Variants in ARHGAP32 observed in about 807,000 individuals in gnomAD.
ARHGAP32 encodes rho GTPase-activating protein 32.
In ARHGAP32, 51 loss-of-function variants were observed where a neutral mutation model predicts 186.5. The ratio of observed to expected loss-of-function variants is 0.27; its 90% CI spans 0.22 to 0.35. The LOEUF (loss-of-function observed/expected upper bound fraction) is 0.35. Among genes scored for constraint, ARHGAP32 ranks in the 10% least tolerant of loss-of-function variants. The pLI, the probability that ARHGAP32 is intolerant of heterozygous loss-of-function variation, is 1.00. For synonymous variants in ARHGAP32, 950 were observed against 964.3 expected, an observed-to-expected ratio of 0.99 and a Z score of 0.27; for missense variants, 2,186 against 2,623.5, an observed-to-expected ratio of 0.83 and a Z score of 3.64.
chr11:129,025,064 T>TAG, intron 11 of ARHGAP32, among the ~76,000 whole-genome samples: 1 of 152,354 alleles, frequency 6.6e-6, no homozygotes, highest in Non-Finnish European at 1.5e-5. Context: ...TACCCTCAGG[T>TAG]ATTTTTTAAT....
rs1944286715 is a variant in ARHGAP32, at chr11:129,192,303, G to C, written c.-105C>G. The C allele has an allele frequency of 1.0e-5, 8 of 764,728 alleles. No homozygotes were observed. The highest frequency in any genetic ancestry group is 2.4e-4 in the Middle Eastern group (1 of 4,212). The allele number at this position is 764,728 out of a possible 1,614,324, so 47.4% of individuals were successfully genotyped here. A position where few individuals can be genotyped will look rare whatever the true frequency, so the allele number is the denominator to read the frequency against. On this transcript the variant is annotated 5_prime_UTR_variant, in exon 1 of 23. Coordinates refer to ENST00000682385, the MANE Select transcript of ARHGAP32 (RefSeq NM_001378024.1). ...TCATGTATACTCAGATGTGTGTCTGGTGCCCTAGTGACAGGTACTGGTGCT... is the reference window on the plus strand; with the variant it reads ...TCATGTATACTCAGATGTGTGTCTGCTGCCCTAGTGACAGGTACTGGTGCT...
chr11:128,992,384 T>TG (rs1946081541), intron 12 of ARHGAP32, among the ~76,000 whole-genome samples: 1 of 151,982 alleles, frequency 6.6e-6, no homozygotes. Flanking sequence ...CTAACTCTTA[T>TG]GAAAAAAATC....
At position 129,013,924 on chromosome 11, in the gene ARHGAP32, C is replaced by T. The variant is rs188255669; in HGVS notation, c.1046-15456G>A. On this transcript the variant is annotated intron_variant, in intron 11 of 22. Transcript: ENST00000682385. The stretch of plus-strand genomic sequence containing the variant: ...GTGGGGTTAGATGATTAAGTGCTTA[C>T]AAACCCATTTCTACAGAACACTGGC... Among the ~76,000 whole-genome samples, 109 of 152,248 alleles carry T rather than the reference C, an allele frequency of 7.2e-4. 1 individual carries two copies. Among genetic ancestry groups the T allele is most frequent in the African/African-American group, 2.5e-3 (104 of 41,554 alleles).
chr11:128,974,903 T>C lies in ARHGAP32; in HGVS notation c.2294A>G (p.Tyr765Cys), dbSNP rs1945499925. ...CTCATTGTCATGAGGCAGATTATCATAGGAGTTACAGCGGTTCCCCAGCAT... is the reference window on the plus strand; with the variant it reads ...CTCATTGTCATGAGGCAGATTATCACAGGAGTTACAGCGGTTCCCCAGCAT... ...GEMLGNRCNS[Y>C]DNLPHDNESE... The change falls in exon 21 of 23, where the codon TAT becomes TGT. Residue 765 changes from tyrosine (Y) to cysteine (C), a missense_variant. Coordinates refer to ENST00000682385, the MANE Select transcript of ARHGAP32 (RefSeq NM_001378024.1). 6.2e-7 allele frequency: 1 copy of C among 1,614,170 alleles called. No homozygotes were observed. The highest frequency in any genetic ancestry group is 8.5e-7 in the Non-Finnish European group (1 of 1,180,016).
chr11:129,139,173 C>T (rs1255891567), intron 2 of ARHGAP32, among the ~76,000 whole-genome samples: 2 of 151,898 alleles, frequency 1.3e-5, no homozygotes, highest in African/African-American at 4.8e-5. Context: ...TGGGAATCTC[C>T]ATATTAATTA....
intron 5 of ARHGAP32, among the ~76,000 whole-genome samples, chr11:129,102,176 T>C (rs1238927413): frequency 1.3e-5 from 2 of 152,180 alleles, no homozygotes; most frequent in Admixed American, 1.3e-4. Context: ...CCACCAGACC[T>C]GCCTTACAAG....
chr11:128,969,377 G>A lies in ARHGAP32; in HGVS notation c.5836C>T (p.Gln1946Ter), dbSNP rs371331393. 1.4e-5 allele frequency: 23 copies of A among 1,614,046 alleles called. No individual in the cohort carries two copies. The highest frequency in any genetic ancestry group is 1.9e-5 in the Non-Finnish European group (23 of 1,180,038). ...TTGTGGTTCAGTCTTAAAGATTCTTGCCCGGATGCAGCATATTTTACTCCA... is the reference window on the plus strand; with the variant it reads ...TTGTGGTTCAGTCTTAAAGATTCTTACCCGGATGCAGCATATTTTACTCCA... ...NSGVKYAASG[Q>*]ESLRLNHKEV... The change falls in exon 23 of 23, where the codon CAA (glutamine) becomes TAA (stop). Residue 1946 changes from glutamine (Q) to a stop codon, truncating the protein, a stop_gained. Transcript: ENST00000682385. LOFTEE classifies it high-confidence loss of function. This position sits in a 1 kb window ranked among gnomAD's most constrained non-coding sequence, Gnocchi z 4.8.
intron 5 of ARHGAP32, among the ~76,000 whole-genome samples, chr11:129,114,426 T>G (rs1173722380): frequency 3.9e-5 from 6 of 152,178 alleles, no homozygotes; most frequent in Non-Finnish European, 2.9e-5. Context: ...TTAAACTTAT[T>G]GGTATATTAC....
At chr11:128,980,501 T>C in intron 18 of ARHGAP32, 52 bp downstream of exon 18, 3 of 1,386,028 alleles carry the variant, frequency 2.2e-6, no homozygotes, top group Non-Finnish European at 3.0e-6. Flanking sequence ...AAGAAAATAA[T>C]AGGACATAGC....
chr11:129,009,380 G>A (rs1337194454), intron 11 of ARHGAP32, among the ~76,000 whole-genome samples: 2 of 152,130 alleles, frequency 1.3e-5, no homozygotes, highest in Non-Finnish European at 2.9e-5. Context: ...TGCAGGATGT[G>A]CAAGTCTATT....
At chr11:129,204,819 T>C (rs1291048276) in intron 1 of ARHGAP32, among the ~76,000 whole-genome samples, 1 of 152,198 alleles carries the variant, frequency 6.6e-6, no homozygotes, top group African/African-American at 2.4e-5. Context: ...TGCTGTACTT[T>C]TAAACTTTAA....
intron 5 of ARHGAP32, among the ~76,000 whole-genome samples, chr11:129,113,154 G>C (rs758171484): frequency 1.3e-5 from 2 of 152,024 alleles, no homozygotes; most frequent in Non-Finnish European, 2.9e-5. Context: ...TGTTATTCAA[G>C]GTTTATGGTA....
At chr11:129,118,462 G>A (rs1211432536) in intron 5 of ARHGAP32, among the ~76,000 whole-genome samples, 1 of 151,960 alleles carries the variant, frequency 6.6e-6, no homozygotes, top group Non-Finnish European at 1.5e-5. Flanking sequence ...TCCTTGATAA[G>A]ACCAAGATTT....
At chr11:129,173,034 AAAC>A (rs1943804719) in intron 1 of ARHGAP32, among the ~76,000 whole-genome samples, 1 of 123,856 alleles carries the variant, frequency 8.1e-6, no homozygotes, top group Non-Finnish European at 1.8e-5. Context: ...TTTTTTGAAA[AAAC>A]AAACAAACAA....
chr11:129,210,754 C>T (rs1255810774), intron 1 of ARHGAP32, among the ~76,000 whole-genome samples: 2 of 152,178 alleles, frequency 1.3e-5, no homozygotes, highest in African/African-American at 4.8e-5. Flanking sequence ...CAAGTATGAT[C>T]TTTTCTGCTA....
chr11:128,986,735 A>G (rs1415264058), intron 13 of ARHGAP32, 67 bp from the exon 14 acceptor site: 1 of 1,500,886 alleles, frequency 6.7e-7, no homozygotes, highest in African/African-American at 1.4e-5. Flanking sequence ...TCTTAAAAAC[A>G]GAAAGCATAA....
intron 15 of ARHGAP32, among the ~76,000 whole-genome samples, chr11:128,985,649 C>CA (rs1188554865): frequency 3.9e-5 from 6 of 151,914 alleles, no homozygotes; most frequent in Admixed American, 3.9e-4. Context: ...AACAAACAAA[C>CA]AAAAAACCCC....
intron 1 of ARHGAP32, among the ~76,000 whole-genome samples, chr11:129,182,021 A>G (rs1944065622): frequency 6.6e-6 from 1 of 152,178 alleles, no homozygotes; most frequent in South Asian, 2.1e-4. Context: ...GCTGCTTCTT[A>G]GTAGGTTTAC....
chr11:129,143,179 A>G (rs1341470874), intron 2 of ARHGAP32, among the ~76,000 whole-genome samples: 1 of 151,570 alleles, frequency 6.6e-6, no homozygotes, highest in African/African-American at 2.4e-5. Context: ...TAACCATAAG[A>G]AACACACATA....
Sources: allele counts gnomAD v4.1 joint callset (sites outside exome capture counted in the v4.1 genomes callset), GRCh38; gene constraint gnomAD v4.1.1; non-coding constraint Gnocchi (gnomAD v3.1); transcripts MANE v1.5; gene names NCBI Gene and HGNC (gene_info 2026-07-23, HGNC 2026-07-21).